The following TNK1 variants were observed in gnomAD, a reference collection of about 807,000 sequenced individuals.
TNK1 encodes the protein tyrosine kinase non receptor 1, also known as non-receptor tyrosine-protein kinase TNK1.
A neutral mutation model predicts 65.2 loss-of-function variants in TNK1; 53 were observed. The observed-to-expected ratio is 0.81, with a 90% CI of 0.65 to 1.02. The LOEUF (loss-of-function observed/expected upper bound fraction) is 1.02. Among genes scored for constraint, TNK1 ranks in the 50% least tolerant of loss-of-function variants. TNK1 has a pLI of 0.00. For synonymous variants in TNK1, 353 were observed against 364.6 expected (o/e 0.97, Z 0.36); for missense variants, 837 against 878.4 (o/e 0.95, Z 0.60).
At chr17:7,380,259 C>T (rs564417662), upstream of TNK1, among the ~76,000 whole-genome samples, 128 of 152,298 alleles carry the variant, frequency 8.4e-4, 1 homozygote, top group African/African-American at 2.8e-3. Context: ...GCTATGTTCA[C>T]GCGTCCTTCC....
At position 7,383,072 on chromosome 17, in the gene TNK1, T is replaced by C; in HGVS notation, c.146T>C (p.Ile49Thr). 2 of 1,614,026 alleles carry C rather than the reference T, an allele frequency of 1.2e-6. No homozygotes were observed. The highest frequency in any genetic ancestry group is 1.7e-6 in the Non-Finnish European group (2 of 1,179,904). ...DFVKPEDLDG[I>T]GMGRPAQRRL... ...GTAAAGCCTGAGGACCTGGACGGCATTGGCATGGGCCGGCCTGGTGAGGGA... is the reference window on the plus strand; with the variant it reads ...GTAAAGCCTGAGGACCTGGACGGCACTGGCATGGGCCGGCCTGGTGAGGGA... Residue 49 changes from isoleucine to threonine, a missense_variant, in exon 2 of 13, where the codon ATT (isoleucine) becomes ACT (threonine). Transcript: ENST00000688331.
intron 7 of TNK1, among the ~76,000 whole-genome samples, 190 bp downstream of exon 7, chr17:7,384,944 T>C (rs1451460096): frequency 6.6e-6 from 1 of 152,064 alleles, no homozygotes; most frequent in Non-Finnish European, 1.5e-5. Context: ...GCTACACAGA[T>C]GCAGACTGAA....
intron 1 of TNK1, among the ~76,000 whole-genome samples, chr17:7,381,985 C>T (rs1398948669): frequency 6.6e-6 from 1 of 152,194 alleles, no homozygotes; most frequent in Admixed American, 6.5e-5. Context: ...CGACATATAT[C>T]GGCCGGGCGC....
At position 7,386,921 on chromosome 17, in the gene TNK1, T is replaced by G. The variant is rs561656726; in HGVS notation, c.1233-69T>G. On this transcript the variant is annotated intron_variant, in intron 8 of 12. Transcript: ENST00000688331. Reference sequence around the variant, plus strand: ...AAGGCACATAGCCTAGTGAGCTGACTGTGGGCCAGGGCCCAGCCCTAACTC... The same window carrying G: ...AAGGCACATAGCCTAGTGAGCTGACGGTGGGCCAGGGCCCAGCCCTAACTC... 8.6e-5 allele frequency: 126 copies of G among 1,471,424 alleles called. No individual in the cohort carries two copies. The African/African-American group carries it at 1.7e-3, about 20-fold the overall frequency. The allele number at this position is 1,471,424 out of a possible 1,614,324, so 91.1% of individuals were successfully genotyped here.
Position 7,387,074 on chromosome 17 carries a change from T to C in TNK1, c.1317T>C (p.Asp439=). The C allele has an allele frequency of 6.2e-7, 1 of 1,613,104 alleles. No individual in the cohort carries two copies. Among genetic ancestry groups the C allele is most frequent in the Non-Finnish European group, 8.5e-7 (1 of 1,179,562 alleles). The part of the protein sequence containing the change: ...SFPASAVTLA[D]AGGLPATRPV... ...CAGCCTCGGCAGTGACGCTGGCAGA[T>C]GCGGGGGGCTTGCCAGCCACCCGTC... Residue 439 remains aspartate, a synonymous_variant, in exon 9 of 13, where the codon GAT becomes GAC. Transcript: ENST00000688331.
rs752611789 is a variant in TNK1, at chr17:7,388,602, AC to A, written c.1679del (p.Pro560HisfsTer36). On this transcript the variant is annotated frameshift_variant, in exon 11 of 13. Coordinates refer to ENST00000688331, the MANE Select transcript of TNK1 (RefSeq NM_003985.6). LOFTEE classifies it high-confidence loss of function. This position sits in a 1 kb window ranked among gnomAD's most constrained non-coding sequence, Gnocchi z 4.5. ...AGAGGCTTCCCTGGCCCAAAAGAAA[AC>A]CCCCACACAATCACCCCATGGGAAT... ...RERLPWPKRK[P>X]PHNHPMGMPG... 1.2e-6 allele frequency: 2 copies of A among 1,612,932 alleles called. No individual in the cohort carries two copies. Among genetic ancestry groups the A allele is most frequent in the Non-Finnish European group, 1.7e-6 (2 of 1,179,678 alleles).
At chr17:7,387,498 C>T (rs181121908) in intron 10 of TNK1, 41 bp downstream of exon 10, 296 of 1,531,082 alleles carry the variant, frequency 1.9e-4, no homozygotes, top group Admixed American at 6.4e-4. Context: ...GAGATCAAGA[C>T]CAGTCCTTCA....
rs188355919 is a variant in TNK1 at position 7,389,573 on chromosome 17, G to A, written c.*489G>A. On this transcript the variant is annotated 3_prime_UTR_variant, in exon 13 of 13. Transcript: ENST00000688331. Reference sequence around the variant, plus strand: ...TGCCTTCGTTTGGTCCAGGGCCATCGTGGGTGATGACGATTGCTCTCTTGC... The same window carrying A: ...TGCCTTCGTTTGGTCCAGGGCCATCATGGGTGATGACGATTGCTCTCTTGC... 6 of 307,694 alleles carry A rather than the reference G, an allele frequency of 1.9e-5. No individual in the cohort carries two copies. Among genetic ancestry groups the A allele is most frequent in the East Asian group, 1.1e-4 (2 of 18,976 alleles). The allele number at this position is 307,694 out of a possible 1,614,324, so 19.1% of individuals were successfully genotyped here. A position where few individuals can be genotyped will look rare whatever the true frequency, so the allele number is the denominator to read the frequency against.
At position 7,388,468 on chromosome 17, in the gene TNK1, AG is replaced by A; in HGVS notation, c.1541del (p.Ser514ThrfsTer82). 1 of 1,613,810 alleles carries A rather than the reference AG, an allele frequency of 6.2e-7. No individual in the cohort carries two copies. On this transcript the variant is annotated frameshift_variant, in exon 11 of 13. Transcript: ENST00000688331. LOFTEE classifies it high-confidence loss of function. The surrounding 1 kb of genome is among the most constrained non-coding windows in gnomAD (Gnocchi z 4.5). ...LGPRPTGGGS[S>X]PPEIRQARAV... ...TCCTCGTCCCACAGGGGGTGGTTCA[AG>A]CCCCCCTGAAATTCGACAAGCCAGA...
In TNK1 at chr17:7,383,275, GA is replaced by G; in HGVS notation, c.193del (p.Arg65GlyfsTer46). On this transcript the variant is annotated frameshift_variant, in exon 3 of 13. Coordinates refer to ENST00000688331, the MANE Select transcript of TNK1 (RefSeq NM_003985.6). LOFTEE classifies it high-confidence loss of function. Reference sequence around the variant, plus strand: ...CCCAGCGCAGACTGTCCGAAGCTCTGAAAAGGCTACGTTCTGGGCCTAAGTC... The same window carrying G: ...CCCAGCGCAGACTGTCCGAAGCTCTGAAAGGCTACGTTCTGGGCCTAAGTC... The part of the protein sequence containing the change: ...PAQRRLSEAL[K>X]RLRSGPKSKN... 2 of 1,614,032 alleles carry G rather than the reference GA, an allele frequency of 1.2e-6. No homozygotes were observed. The highest frequency in any genetic ancestry group is 1.7e-6 in the Non-Finnish European group (2 of 1,179,904).
At chr17:7,385,660 G>A (rs113327728) in intron 7 of TNK1, among the ~76,000 whole-genome samples, 1,670 of 152,096 alleles carry the variant, frequency 0.011, 26 homozygotes, top group Non-Finnish European at 1.0e-2. Context: ...CGCCTCCTGG[G>A]TTCAAGCAAT....
Position 7,383,502 on chromosome 17 carries a change from G to A in TNK1, c.312G>A (p.Glu104=). 6.2e-7 allele frequency: 1 copy of A among 1,613,770 alleles called. No homozygotes were observed. Among genetic ancestry groups the A allele is most frequent in the Non-Finnish European group, 8.5e-7 (1 of 1,179,858 alleles). Residue 104 remains glutamate (E), a synonymous_variant, in exon 4 of 13, where the codon GAG becomes GAA. Transcript: ENST00000688331. ...SDSPRHLPEP[E]GGLKCLIPEG... ...GCCCACGGCACCTCCCTGAGCCAGA[G>A]GGGGGCCTCAAGTGTCTGATCCCAG...
Position 7,383,323 on chromosome 17 carries a change from G to C in TNK1, c.234+3G>C. ...AGTCTAAGAACTGGGTCTACAAGGT[G>C]TGTGTTGTAGGTGGGCAGCTTGGGC... On this transcript the variant is annotated splice_donor_region_variant and intron_variant, in intron 3 of 12. Transcript: ENST00000688331. 1 of 1,614,064 alleles carries C rather than the reference G, an allele frequency of 6.2e-7. No homozygotes were observed. The highest frequency in any genetic ancestry group is 8.5e-7 in the Non-Finnish European group (1 of 1,179,902).
chr17:7,384,326 A>C (rs1905047986), intron 6 of TNK1, 73 bp downstream of exon 6: 1 of 1,433,420 alleles, frequency 7.0e-7, no homozygotes, highest in African/African-American at 1.4e-5. Context: ...GGGAGATCGG[A>C]GGGGGCCGGG....
chr17:7,385,725 T>C (rs12945656), intron 7 of TNK1, among the ~76,000 whole-genome samples: 41,784 of 151,772 alleles, frequency 0.28, 7,048 homozygotes, highest in Non-Finnish European at 0.4. Context: ...CCACCACGCC[T>C]GGCTAATTTT....
At chr17:7,384,891 C>G in intron 7 of TNK1, 137 bp downstream of exon 7, 1 of 1,198,694 alleles carries the variant, frequency 8.3e-7, no homozygotes, top group East Asian at 2.6e-5. Flanking sequence ...CAGATGCAGT[C>G]CCTACCTGCA....
At chr17:7,380,874 C>CAG (rs1904768288), upstream of TNK1, 1 of 152,408 alleles carries the variant, frequency 6.6e-6, no homozygotes, top group African/African-American at 2.4e-5. Context: ...GGAAGACGAG[C>CAG]AGAGGAGAAG....
At chr17:7,387,603 AT>A (rs35318852) in intron 10 of TNK1, 146 bp downstream of exon 10, 135,428 of 407,014 alleles carry the variant, frequency 0.33, 8,559 homozygotes, top group Middle Eastern at 0.41. Context: ...TGTGCAATCT[AT>A]TTTTTTTTTT....
In TNK1 at chr17:7,383,478, C is replaced by A; in HGVS notation, c.288C>A (p.Ser96Arg). The change falls in exon 4 of 13, where the codon AGC (serine) becomes AGA (arginine). Residue 96 changes from serine to arginine, a missense_variant. Coordinates refer to ENST00000688331, the MANE Select transcript of TNK1 (RefSeq NM_003985.6). ...EHKEPTLPSDSPRHLPEPEGG... is the reference protein window; with the variant it reads ...EHKEPTLPSDRPRHLPEPEGG... Reference sequence around the variant, plus strand: ...AGGAGCCCACCCTGCCCTCGGACAGCCCACGGCACCTCCCTGAGCCAGAGG... The same window carrying A: ...AGGAGCCCACCCTGCCCTCGGACAGACCACGGCACCTCCCTGAGCCAGAGG... 1 of 1,613,892 alleles carries A rather than the reference C, an allele frequency of 6.2e-7. No homozygotes were observed. The highest frequency in any genetic ancestry group is 1.1e-5 in the South Asian group (1 of 91,084).
Sources: allele counts gnomAD v4.1 joint callset (sites outside exome capture counted in the v4.1 genomes callset), GRCh38; gene constraint gnomAD v4.1.1; non-coding constraint Gnocchi (gnomAD v3.1); transcripts MANE v1.5; gene names NCBI Gene and HGNC (gene_info 2026-07-23, HGNC 2026-07-21).